The following C1orf52 variants were observed in gnomAD, a reference collection of about 807,000 sequenced individuals.
C1orf52 encodes the protein chromosome 1 open reading frame 52, also known as UPF0690 protein C1orf52.
Under a neutral mutation model 17.2 loss-of-function variants are expected in C1orf52, and 5 were observed. The ratio of observed to expected loss-of-function variants is 0.29; its 90% CI spans 0.15 to 0.61. C1orf52 has a LOEUF of 0.61. C1orf52 is among the 20% of genes least tolerant of loss of function. C1orf52 has a pLI of 0.85. For missense variants in C1orf52, 245 were observed against 234.1 expected, an observed-to-expected ratio of 1.05 and a Z score of -0.30; for synonymous variants, 110 against 88.0, an observed-to-expected ratio of 1.25 and a Z score of -1.40.
At chr1:85,259,335 A>T in intron 1 of C1orf52, 23 bp downstream of exon 1, 6 of 1,602,558 alleles carry the variant, frequency 3.7e-6, no homozygotes, top group Non-Finnish European at 5.1e-6. Flanking sequence ...GCCGAGACCG[A>T]GAAACGGGGT....
chr1:85,258,824 CTTT>C (rs890915768), intron 1 of C1orf52, 102 bp from the exon 2 acceptor site: 7 of 1,394,836 alleles, frequency 5.0e-6, no homozygotes, highest in Non-Finnish European at 6.6e-6. Flanking sequence ...TTCAGGCTGA[CTTT>C]TTTTTTCTTT....
At chr1:85,258,960 A>G (rs1570321558) in intron 1 of C1orf52, 1 of 1,384,642 alleles carries the variant, frequency 7.2e-7, no homozygotes, top group South Asian at 1.6e-5. Flanking sequence ...TCTCAGAGAT[A>G]CTACGCCAAG....
Position 85,258,695 on chromosome 1 carries a change from A to G in C1orf52, c.304T>C (p.Ser102Pro). 2 of 1,611,212 alleles carry G rather than the reference A, an allele frequency of 1.2e-6. No individual in the cohort carries two copies. The highest frequency in any genetic ancestry group is 1.7e-6 in the Non-Finnish European group (2 of 1,179,542). The change falls in exon 2 of 3, where the codon TCA (serine) becomes CCA (proline). Residue 102 changes from serine to proline, a missense_variant. Transcript: ENST00000471115. ...GTCTCAGGAGGTGGTACATAATTTG[A>G]CTTCCATATTTTGAATTCCTTTGGA... is the stretch of plus-strand genomic sequence containing the variant. ...EPPKEFKIWK[S>P]NYVPPPETYT...
At chr1:85,253,752 A>T (rs945917961) in intron 2 of C1orf52, among the ~76,000 whole-genome samples, 4 of 146,430 alleles carry the variant, frequency 2.7e-5, no homozygotes, top group East Asian at 2.0e-4. Context: ...ATTGTATTTT[A>T]AAAAATCCAA....
At position 85,252,563 on chromosome 1, in the gene C1orf52, C is replaced by T; in HGVS notation, c.*66G>A. 5 of 1,333,408 alleles carry T rather than the reference C, an allele frequency of 3.7e-6. No individual in the cohort carries two copies. The South Asian group carries it at 4.9e-5, about 13-fold the overall frequency. 82.6% of individuals were successfully genotyped at this position (1,333,408 alleles called of 1,614,324 possible). On this transcript the variant is annotated 3_prime_UTR_variant, in exon 3 of 3. Coordinates refer to ENST00000471115, the MANE Select transcript of C1orf52 (RefSeq NM_198077.4). ...GATGTGGCATAATAACCCACAATATCAACTTAATCTGTCCAAAGAAACATT... is the reference window on the plus strand; with the variant it reads ...GATGTGGCATAATAACCCACAATATTAACTTAATCTGTCCAAAGAAACATT...
intron 2 of C1orf52, among the ~76,000 whole-genome samples, chr1:85,257,148 T>A (rs1198822525): frequency 1.3e-5 from 2 of 152,174 alleles, no homozygotes; most frequent in African/African-American, 2.4e-5. Flanking sequence ...TTAGTTCAAT[T>A]CAACAATTAC....
At chr1:85,255,378 C>G (rs528817562) in intron 2 of C1orf52, among the ~76,000 whole-genome samples, 1 of 152,158 alleles carries the variant, frequency 6.6e-6, no homozygotes, top group African/African-American at 2.4e-5. Context: ...GCTGAAACCC[C>G]ATCTCCACTA....
At chr1:85,255,258 A>G in intron 2 of C1orf52, among the ~76,000 whole-genome samples, 1 of 152,196 alleles carries the variant, frequency 6.6e-6, no homozygotes, top group East Asian at 1.9e-4. Context: ...TACAACCACT[A>G]AAACCAGAAG....
chr1:85,250,891 C>CAA lies in C1orf52; in HGVS notation c.*1736_*1737dup, dbSNP rs1659786063. 6.6e-6 allele frequency: 1 copy of CAA among 152,194 alleles called. No individual in the cohort carries two copies. The highest frequency in any genetic ancestry group is 6.5e-5 in the Admixed American group (1 of 15,282). 9.4% of individuals were successfully genotyped at this position (152,194 alleles called of 1,614,324 possible). A position where few individuals can be genotyped will look rare whatever the true frequency, so the allele number is the denominator to read the frequency against. ...ATACCACAGATTTCCAAATTCATTACAAAGACTACAATCTTAAAAAAACAT... is the reference window on the plus strand; with the variant it reads ...ATACCACAGATTTCCAAATTCATTACAAAAAGACTACAATCTTAAAAAAACAT... On this transcript the variant is annotated 3_prime_UTR_variant, in exon 3 of 3. Transcript: ENST00000471115.
Position 85,259,495 on chromosome 1 carries a change from C to T in C1orf52, c.139G>A (p.Gly47Ser), listed in dbSNP as rs538115654. The T allele has an allele frequency of 1.2e-6, 2 of 1,613,884 alleles. No individual in the cohort carries two copies. The highest frequency in any genetic ancestry group is 1.7e-5 in the Admixed American group (1 of 60,028). Residue 47 changes from glycine (G) to serine (S), a missense_variant, in exon 1 of 3, where the codon GGC becomes AGC. Coordinates refer to ENST00000471115, the MANE Select transcript of C1orf52 (RefSeq NM_198077.4). ...CGCTTCTCCGCCTTGTTCCTACAGC[C>T]GCCCGCCGACTTCGCCGGATCCGGG... ...RTPDPAKSAG[G>S]CRNKAEKRLP...
At position 85,255,910 on chromosome 1, in the gene C1orf52, A is replaced by G. The variant is rs149736636; in HGVS notation, c.475+2614T>C. Among the ~76,000 whole-genome samples the G allele has an allele frequency of 3.4e-3, 512 of 152,364 alleles. 4 individuals are homozygous for G. Among genetic ancestry groups the G allele is most frequent in the African/African-American group, 0.012 (488 of 41,594 alleles). On this transcript the variant is annotated intron_variant, in intron 2 of 2. Transcript: ENST00000471115. ...AAAAAGACAGAAATTATCTATGTGAATAGCAGTGTTACCTGCCACATATTT... is the reference window on the plus strand; with the variant it reads ...AAAAAGACAGAAATTATCTATGTGAGTAGCAGTGTTACCTGCCACATATTT...
At chr1:85,256,786 G>A (rs1165294661) in intron 2 of C1orf52, among the ~76,000 whole-genome samples, 1 of 116,412 alleles carries the variant, frequency 8.6e-6, no homozygotes, top group Non-Finnish European at 1.6e-5. Flanking sequence ...GCGACTGACC[G>A]AGACTCCGCC....
Position 85,258,131 on chromosome 1 carries a change from A to G in C1orf52, c.475+393T>C, listed in dbSNP as rs200092100. 9.6e-3 allele frequency among the ~76,000 whole-genome samples: 321 copies of G among 33,506 alleles called. 2 individuals carry two copies. The highest frequency in any genetic ancestry group is 0.025 in the African/African-American group (171 of 6,892). 22.0% of individuals were successfully genotyped at this position (33,506 alleles called of 152,430 possible). On this transcript the variant is annotated intron_variant, in intron 2 of 2. Coordinates refer to ENST00000471115, the MANE Select transcript of C1orf52 (RefSeq NM_198077.4). ...GCGAAATGCTGTCTCAAAAAAAAAG[A>G]AAAAAAAAAAGAAAAAGAAGAAAAA...
Position 85,252,662 on chromosome 1 carries a change from T to C in C1orf52, c.516A>G (p.Val172=), listed in dbSNP as rs774259647. The C allele has an allele frequency of 2.6e-5, 42 of 1,613,488 alleles. No homozygotes were observed. Among genetic ancestry groups the C allele is most frequent in the Non-Finnish European group, 3.5e-5 (41 of 1,179,716 alleles). ...KDEHTSKKRK[V]EPGEPAKKKK ...TCTTCTTTGCTGGTTCTCCTGGCTC[T>C]ACTTTGCGCTTTTTAGAAGTATGCT... is the stretch of plus-strand genomic sequence containing the variant. Residue 172 remains valine (V), a synonymous_variant, in exon 3 of 3, where the codon GTA becomes GTG. Coordinates refer to ENST00000471115, the MANE Select transcript of C1orf52 (RefSeq NM_198077.4).
chr1:85,259,074 G>A, intron 1 of C1orf52: 1 of 1,348,660 alleles, frequency 7.4e-7, no homozygotes, highest in Non-Finnish European at 9.5e-7. Context: ...GCAGCGGGGG[G>A]GGCGGGGGAG....
chr1:85,259,232 G>A, intron 1 of C1orf52, 126 bp downstream of exon 1: 1 of 1,276,080 alleles, frequency 7.8e-7, no homozygotes. Context: ...GGTGGGAGGG[G>A]GTGGTGCGGC....
Position 85,259,463 on chromosome 1 carries a change from CG to C in C1orf52, c.170del (p.Pro57ArgfsTer10). 1 of 1,613,888 alleles carries C rather than the reference CG, an allele frequency of 6.2e-7. No homozygotes were observed. Among genetic ancestry groups the C allele is most frequent in the Non-Finnish European group, 8.5e-7 (1 of 1,180,000 alleles). ...GCRNKAEKRL[P>X]GPDELFRSVT... ...CGCTCCTAAACAGCTCGTCAGGTCC[CG>C]GGAGCCGCTTCTCCGCCTTGTTCCT... is the stretch of plus-strand genomic sequence containing the variant. On this transcript the variant is annotated frameshift_variant, in exon 1 of 3. Transcript: ENST00000471115. LOFTEE classifies it high-confidence loss of function.
Position 85,258,666 on chromosome 1 carries a change from G to A in C1orf52, c.333C>T (p.Tyr111=), listed in dbSNP as rs1341651466. 3.1e-6 allele frequency: 5 copies of A among 1,613,568 alleles called. No homozygotes were observed. Among genetic ancestry groups the A allele is most frequent in the African/African-American group, 1.3e-5 (1 of 74,888 alleles). The change falls in exon 2 of 3, where the codon TAC becomes TAT. Residue 111 remains tyrosine (Y), a synonymous_variant. Coordinates refer to ENST00000471115, the MANE Select transcript of C1orf52 (RefSeq NM_198077.4). ...GAGGCGGAGGCTTCTTCTCAGTGGTGTAGGTCTCAGGAGGTGGTACATAAT... is the reference window on the plus strand; with the variant it reads ...GAGGCGGAGGCTTCTTCTCAGTGGTATAGGTCTCAGGAGGTGGTACATAAT... The part of the protein sequence containing the change: ...KSNYVPPPET[Y]TTEKKPPPPE...
chr1:85,257,257 G>T (rs927728489), intron 2 of C1orf52, among the ~76,000 whole-genome samples: 1 of 152,248 alleles, frequency 6.6e-6, no homozygotes, highest in Non-Finnish European at 1.5e-5. Flanking sequence ...ACATACAAGT[G>T]ATGAGGGCAA....
Sources: gnomAD v4.1 joint callset for allele counts (sites outside exome capture counted in the v4.1 genomes callset) on GRCh38, gnomAD v4.1.1 for gene constraint, MANE v1.5 for transcripts, NCBI Gene and HGNC (gene_info 2026-07-23, HGNC 2026-07-21) for gene names.